Variants in GRB14 observed in about 807,000 individuals in gnomAD.
GRB14 encodes the protein growth factor receptor-bound protein 14.
In GRB14, 38 loss-of-function variants were observed where a neutral mutation model predicts 69.1. That is an observed-to-expected ratio of 0.55 (90% CI 0.42 to 0.72). The LOEUF (loss-of-function observed/expected upper bound fraction) is 0.72. Ranked by LOEUF, GRB14 falls within the 30% of genes least tolerant of loss-of-function variation. The pLI, the probability that GRB14 is intolerant of heterozygous loss-of-function variation, is 0.00. For missense variants in GRB14, 666 were observed against 666.1 expected (o/e 1.00, Z 0.00); for synonymous variants, 247 against 241.3 (o/e 1.02, Z -0.22).
At chr2:164,508,578 G>A (rs1486473157) in intron 7 of GRB14, 28 bp from the exon 8 acceptor site, 14 of 1,584,574 alleles carry the variant, frequency 8.8e-6, no homozygotes, top group South Asian at 4.4e-5. Context: ...ATTGTTTATC[G>A]TTAATGCATA....
chr2:164,573,774 G>T, intron 2 of GRB14: 1 of 1,611,418 alleles, frequency 6.2e-7, no homozygotes. Flanking sequence ...ACTTTCTGTC[G>T]CATCCACCAG....
At chr2:164,525,337 C>T (rs1024902034) in intron 4 of GRB14, among the ~76,000 whole-genome samples, 1 of 152,066 alleles carries the variant, frequency 6.6e-6, no homozygotes, top group Non-Finnish European at 1.5e-5. Context: ...TTATAAAACA[C>T]TGCCCTGAAG....
chr2:164,508,596 G>T (rs771034359), intron 7 of GRB14, 46 bp from the exon 8 acceptor site: 2 of 1,544,850 alleles, frequency 1.3e-6, no homozygotes, highest in Non-Finnish European at 1.8e-6. Context: ...ATATCTTGAA[G>T]GTAACACCTG....
At chr2:164,596,077 T>C (rs1360196025) in intron 2 of GRB14, among the ~76,000 whole-genome samples, 3 of 152,000 alleles carry the variant, frequency 2.0e-5, no homozygotes, top group African/African-American at 4.8e-5. Context: ...CGAACCGAGA[T>C]TGCACCGCTG....
intron 3 of GRB14, among the ~76,000 whole-genome samples, chr2:164,538,255 G>A (rs967316549): frequency 6.6e-6 from 1 of 152,172 alleles, no homozygotes; most frequent in African/African-American, 2.4e-5. Flanking sequence ...CGAGGAGTCT[G>A]TAGGTATGCG....
chr2:164,547,524 G>A (rs1688410601), intron 3 of GRB14, 136 bp downstream of exon 3: 1 of 589,680 alleles, frequency 1.7e-6, no homozygotes, highest in Non-Finnish European at 2.8e-6. Context: ...AAAAAAGAAT[G>A]AAAAGGAACT....
At chr2:164,526,702 T>C (rs1687783104) in intron 4 of GRB14, among the ~76,000 whole-genome samples, 1 of 152,044 alleles carries the variant, frequency 6.6e-6, no homozygotes, top group Admixed American at 6.6e-5. Flanking sequence ...ATCAAATGTA[T>C]AATTGTTACC....
intron 8 of GRB14, among the ~76,000 whole-genome samples, chr2:164,504,500 C>A (rs1293966203): frequency 6.6e-6 from 1 of 152,050 alleles, no homozygotes; most frequent in Admixed American, 6.6e-5. Flanking sequence ...ATGCCACAAG[C>A]GTGTCTGTGT....
chr2:164,621,443 CG>C lies in GRB14; in HGVS notation c.-135del, dbSNP rs1427662398. 2 of 446,570 alleles carry C rather than the reference CG, an allele frequency of 4.5e-6. No individual in the cohort carries two copies. Among genetic ancestry groups the C allele is most frequent in the Non-Finnish European group, 6.0e-6 (2 of 335,156 alleles). The allele number at this position is 446,570 out of a possible 1,614,324, so 27.7% of individuals were successfully genotyped here. ...GTGTGGTGGCCTCGCCGCCTGCGCTCGGGGCCCCGGCGGCTGAGACGCGCGG... is the reference window on the plus strand; with the variant it reads ...GTGTGGTGGCCTCGCCGCCTGCGCTCGGGCCCCGGCGGCTGAGACGCGCGG... On this transcript the variant is annotated 5_prime_UTR_variant, in exon 1 of 14. Coordinates refer to ENST00000263915, the MANE Select transcript of GRB14 (RefSeq NM_004490.3). The surrounding 1 kb of genome is among the most constrained non-coding windows in gnomAD (Gnocchi z 6.0).
At chr2:164,560,678 C>T (rs900008583) in intron 2 of GRB14, among the ~76,000 whole-genome samples, 3 of 152,066 alleles carry the variant, frequency 2.0e-5, no homozygotes, top group Admixed American at 2.0e-4. Context: ...GGATTTCGAA[C>T]AGTTATATCA....
chr2:164,585,248 A>G (rs1458396554), intron 2 of GRB14, among the ~76,000 whole-genome samples: 1 of 151,404 alleles, frequency 6.6e-6, no homozygotes, highest in Non-Finnish European at 1.5e-5. Flanking sequence ...GCACCTGGCC[A>G]TGCATTTTGA....
At chr2:164,540,318 G>A (rs1471796314) in intron 3 of GRB14, among the ~76,000 whole-genome samples, 1 of 152,146 alleles carries the variant, frequency 6.6e-6, no homozygotes, top group African/African-American at 2.4e-5. Context: ...CCTCTTTAAA[G>A]TGCATCTCCC....
chr2:164,537,886 A>G (rs913010344), intron 3 of GRB14, among the ~76,000 whole-genome samples: 5 of 152,042 alleles, frequency 3.3e-5, no homozygotes, highest in African/African-American at 1.2e-4. Context: ...CTTCACAATG[A>G]TTTCTGCTGT....
chr2:164,553,714 C>T (rs1354671696), intron 2 of GRB14, among the ~76,000 whole-genome samples: 3 of 152,066 alleles, frequency 2.0e-5, no homozygotes, highest in Non-Finnish European at 4.4e-5. Context: ...CCTGTAATCC[C>T]AGCACTTTGG....
intron 2 of GRB14, among the ~76,000 whole-genome samples, chr2:164,593,479 A>T (rs1044692424): frequency 6.6e-6 from 1 of 152,234 alleles, no homozygotes; most frequent in African/African-American, 2.4e-5. Context: ...TTCTATATTC[A>T]GCAAAAGTAT....
intron 2 of GRB14, among the ~76,000 whole-genome samples, chr2:164,564,895 G>A (rs562128359): frequency 6.6e-6 from 1 of 152,168 alleles, no homozygotes; most frequent in South Asian, 2.1e-4. Flanking sequence ...CACGCCTGTA[G>A]TCCCAGCTAC....
chr2:164,541,811 A>C (rs1184458288), intron 3 of GRB14, among the ~76,000 whole-genome samples: 1 of 152,142 alleles, frequency 6.6e-6, no homozygotes, highest in Non-Finnish European at 1.5e-5. Context: ...CGTCACCCAG[A>C]AAGTGAGCAC....
intron 2 of GRB14, among the ~76,000 whole-genome samples, chr2:164,591,025 G>A (rs1689648440): frequency 4.6e-5 from 7 of 152,172 alleles, no homozygotes; most frequent in Admixed American, 4.6e-4. Flanking sequence ...TTAGCACTAA[G>A]AAACTGTTTT....
intron 6 of GRB14, among the ~76,000 whole-genome samples, chr2:164,509,907 C>T (rs1299140578): frequency 6.6e-6 from 1 of 151,914 alleles, no homozygotes; most frequent in East Asian, 1.9e-4. Context: ...GGTGTTATTC[C>T]ACCTCTGATA....
Sources: gnomAD v4.1 joint callset for allele counts (sites outside exome capture counted in the v4.1 genomes callset) on GRCh38, gnomAD v4.1.1 for gene constraint, Gnocchi (gnomAD v3.1) non-coding constraint, MANE v1.5 for transcripts, NCBI Gene and HGNC (gene_info 2026-07-23, HGNC 2026-07-21) for gene names.